OR14A2: variants seen among roughly 807,000 people sequenced by gnomAD.
OR14A2 encodes olfactory receptor family 14 subfamily A member 2.
For missense variants in OR14A2, 237 were observed against 152.9 expected, an observed-to-expected ratio of 1.55 and a Z score of -2.90; for synonymous variants, 114 against 58.6, an observed-to-expected ratio of 1.95 and a Z score of -4.32.
chr1:247,746,657 A>G, the OR14A2 span: 2 of 152,206 alleles, frequency 1.3e-5, no homozygotes, highest in African/African-American at 4.8e-5. Flanking sequence ...TTCTCCATAT[A>G]GTTGGCATAC....
upstream of OR14A2, among the ~76,000 whole-genome samples, chr1:247,727,127 A>G (rs1440905228): frequency 6.7e-6 from 1 of 150,102 alleles, no homozygotes; most frequent in Non-Finnish European, 1.5e-5. Flanking sequence ...CTTGGGCAGT[A>G]TGGCCATTTT....
At chr1:247,734,191 C>G in the OR14A2 span, among the ~76,000 whole-genome samples, 1 of 152,050 alleles carries the variant, frequency 6.6e-6, no homozygotes, top group Non-Finnish European at 1.5e-5. Flanking sequence ...CTTACTGATG[C>G]CTTATTAGAA....
the OR14A2 span, among the ~76,000 whole-genome samples, chr1:247,740,710 T>C: frequency 3.3e-5 from 5 of 152,324 alleles, no homozygotes; most frequent in South Asian, 6.2e-4. Context: ...TTCTACTCCT[T>C]GCTGCAGGAG....
chr1:247,738,541 A>C, the OR14A2 span: 1 of 673,978 alleles, frequency 1.5e-6, no homozygotes, highest in Middle Eastern at 2.5e-4. Context: ...CAAATGAAGA[A>C]ACAAATGATA....
upstream of OR14A2, among the ~76,000 whole-genome samples, chr1:247,726,102 GC>G (rs1558306749): frequency 7.5e-6 from 1 of 132,676 alleles, no homozygotes; most frequent in Non-Finnish European, 1.5e-5. Flanking sequence ...CTGAGGAATC[GC>G]CACACTGACT....
At chr1:247,745,217 T>C in the OR14A2 span, among the ~76,000 whole-genome samples, 1 of 152,162 alleles carries the variant, frequency 6.6e-6, no homozygotes, top group Non-Finnish European at 1.5e-5. Flanking sequence ...TATAATTAGG[T>C]AATTATCACC....
upstream of OR14A2, among the ~76,000 whole-genome samples, chr1:247,728,262 G>T (rs983425752): frequency 1.3e-5 from 2 of 152,102 alleles, no homozygotes; most frequent in Non-Finnish European, 2.9e-5. Flanking sequence ...TGCAAGGCTC[G>T]TTCAATATAC....
chr1:247,738,110 C>CT, the OR14A2 span, among the ~76,000 whole-genome samples: 1 of 152,224 alleles, frequency 6.6e-6, no homozygotes, highest in African/African-American at 2.4e-5. Context: ...GGAGAATAAT[C>CT]TTAACATCCT....
chr1:247,737,477 C>T, the OR14A2 span, among the ~76,000 whole-genome samples: 2 of 152,138 alleles, frequency 1.3e-5, no homozygotes, highest in East Asian at 3.9e-4. Flanking sequence ...TAATGGAGAG[C>T]CTGACTTATA....
chr1:247,741,046 C>A, the OR14A2 span, among the ~76,000 whole-genome samples: 2 of 152,108 alleles, frequency 1.3e-5, no homozygotes, highest in Non-Finnish European at 2.9e-5. Flanking sequence ...TCTATTTGCC[C>A]AAATTCTACC....
chr1:247,738,092 C>T, the OR14A2 span, among the ~76,000 whole-genome samples: 3 of 151,934 alleles, frequency 2.0e-5, no homozygotes, highest in African/African-American at 7.2e-5. Context: ...AACTTTAATG[C>T]AAAAATGGGA....
chr1:247,744,492 T>C, the OR14A2 span, among the ~76,000 whole-genome samples: 1 of 152,148 alleles, frequency 6.6e-6, no homozygotes, highest in African/African-American at 2.4e-5. The surrounding 1 kb of genome is among the most constrained non-coding windows in gnomAD (Gnocchi z 4.3). Flanking sequence ...TTGGGACAAA[T>C]TGGTTAGGGT....
chr1:247,739,261 A>C, the OR14A2 span: 1 of 780,658 alleles, frequency 1.3e-6, no homozygotes, highest in Non-Finnish European at 2.4e-6. Flanking sequence ...GTAGTTTCCT[A>C]TGTGTACATT....
the OR14A2 span, among the ~76,000 whole-genome samples, chr1:247,730,726 T>A: frequency 6.6e-6 from 1 of 152,010 alleles, no homozygotes; most frequent in Non-Finnish European, 1.5e-5. Context: ...GATAAAAAAA[T>A]ATATATATTT....
chr1:247,739,696 A>G, the OR14A2 span: 2 of 583,694 alleles, frequency 3.4e-6, no homozygotes, highest in Non-Finnish European at 6.1e-6. Context: ...CAGTTTTAAT[A>G]GAAATAGAAA....
At chr1:247,722,980 T>C (rs1572467649), downstream of OR14A2, 6 of 616,330 alleles carry the variant, frequency 9.7e-6, no homozygotes, top group East Asian at 1.6e-4. Context: ...TATTTATTTC[T>C]TCAGGGAAAA....
upstream of OR14A2, among the ~76,000 whole-genome samples, chr1:247,728,543 T>C (rs1018003953): frequency 3.3e-5 from 5 of 152,204 alleles, no homozygotes; most frequent in Non-Finnish European, 7.4e-5. Context: ...TCACCACTCC[T>C]ATTCAACATA....
chr1:247,742,832 C>T, the OR14A2 span, among the ~76,000 whole-genome samples: 2 of 152,018 alleles, frequency 1.3e-5, no homozygotes, highest in Admixed American at 1.3e-4. Flanking sequence ...AAAAATATGC[C>T]TTGGAAAGTA....
At chr1:247,745,934 C>T in the OR14A2 span, among the ~76,000 whole-genome samples, 1 of 152,078 alleles carries the variant, frequency 6.6e-6, no homozygotes. Flanking sequence ...TTGTTCTTTC[C>T]AAGGGCAGGA....
Sources: gnomAD v4.1 joint callset for allele counts (sites outside exome capture counted in the v4.1 genomes callset) on GRCh38, gnomAD v4.1.1 for gene constraint, Gnocchi (gnomAD v3.1) non-coding constraint, MANE v1.5 for transcripts, NCBI Gene and HGNC (gene_info 2026-07-23, HGNC 2026-07-21) for gene names.